Variants in CTNNA3 observed in about 807,000 individuals in gnomAD.
The protein encoded by CTNNA3 is catenin alpha 3.
In CTNNA3, 76 loss-of-function variants were observed where a neutral mutation model predicts 95.7. That is an observed-to-expected ratio of 0.79 (90% CI 0.66 to 0.96). The LOEUF (loss-of-function observed/expected upper bound fraction) is 0.96, where lower values mean the gene tolerates loss of function less well. Among genes scored for constraint, CTNNA3 ranks in the 40% least tolerant of loss-of-function variants. CTNNA3 has a pLI of 0.00. For missense variants in CTNNA3, 1,191 were observed against 1,089.8 expected, an observed-to-expected ratio of 1.09 and a Z score of -1.31; for synonymous variants, 431 against 374.4, an observed-to-expected ratio of 1.15 and a Z score of -1.74.
intron 5 of CTNNA3, among the ~76,000 whole-genome samples, chr10:67,461,044 T>G (rs943207036): frequency 2.6e-5 from 4 of 152,164 alleles, no homozygotes; most frequent in African/African-American, 9.7e-5. Context: ...TTTACACTAC[T>G]TGGATACTAA....
chr10:66,174,971 A>G (rs1226058290), intron 13 of CTNNA3, among the ~76,000 whole-genome samples: 1 of 152,132 alleles, frequency 6.6e-6, no homozygotes, highest in Non-Finnish European at 1.5e-5. Context: ...CTAGAACACC[A>G]TGTCAGATAA....
intron 2 of CTNNA3, among the ~76,000 whole-genome samples, chr10:67,613,036 A>T (rs544575108): frequency 1.3e-3 from 196 of 152,306 alleles, no homozygotes; most frequent in African/African-American, 4.5e-3. Context: ...CTACAAGCAA[A>T]GTCCAAACTC....
intron 5 of CTNNA3, among the ~76,000 whole-genome samples, chr10:67,428,128 A>C (rs910544715): frequency 6.6e-6 from 1 of 152,078 alleles, no homozygotes; most frequent in Non-Finnish European, 1.5e-5. Flanking sequence ...TAACATAAAC[A>C]TTCATGAACA....
chr10:66,350,610 GAA>G (rs5785755), intron 12 of CTNNA3, among the ~76,000 whole-genome samples: 2 of 142,086 alleles, frequency 1.4e-5, no homozygotes, highest in Non-Finnish European at 1.5e-5. Context: ...AGGGGCTCCT[GAA>G]AAAAAAAAAA....
At chr10:66,010,493 T>A (rs369261567) in intron 15 of CTNNA3, among the ~76,000 whole-genome samples, 1 of 152,032 alleles carries the variant, frequency 6.6e-6, no homozygotes, top group Non-Finnish European at 1.5e-5. Flanking sequence ...TAATAAAAGA[T>A]CTAAAGAACA....
intron 15 of CTNNA3, among the ~76,000 whole-genome samples, chr10:66,016,926 C>A (rs781647304): frequency 6.6e-6 from 1 of 152,038 alleles, no homozygotes; most frequent in Admixed American, 6.6e-5. Context: ...TAACCTCTAA[C>A]CTTTACCAGA....
chr10:66,929,488 G>A (rs1452578146), intron 7 of CTNNA3, among the ~76,000 whole-genome samples: 29 of 152,122 alleles, frequency 1.9e-4, no homozygotes, highest in Admixed American at 1.9e-3. Flanking sequence ...GCACACACCA[G>A]TCCCCTAATG....
chr10:67,581,888 G>A (rs1460272466), intron 3 of CTNNA3, among the ~76,000 whole-genome samples: 2 of 152,104 alleles, frequency 1.3e-5, no homozygotes, highest in African/African-American at 4.8e-5. Context: ...TTGTATTTCT[G>A]TGGTATCAAT....
At chr10:67,115,859 C>T (rs57080596) in intron 7 of CTNNA3, among the ~76,000 whole-genome samples, 1 of 151,658 alleles carries the variant, frequency 6.6e-6, no homozygotes, top group African/African-American at 2.4e-5. Flanking sequence ...CTGACACTTC[C>T]TAGGCCAAAT....
chr10:65,985,684 C>T (rs1396550531), intron 16 of CTNNA3, among the ~76,000 whole-genome samples: 1 of 151,202 alleles, frequency 6.6e-6, no homozygotes, highest in African/African-American at 2.4e-5. Context: ...AATAAGGAAA[C>T]AATTGACAGA....
chr10:66,901,249 A>G (rs117221822), intron 7 of CTNNA3, among the ~76,000 whole-genome samples: 8,922 of 152,316 alleles, frequency 0.059, 339 homozygotes, highest in Middle Eastern at 0.099. Context: ...AGAATTTTCA[A>G]CACAGAATTT....
At chr10:66,466,374 A>ACACACACACACACACACAC (rs1589290248) in intron 11 of CTNNA3, among the ~76,000 whole-genome samples, 1 of 149,620 alleles carries the variant, frequency 6.7e-6, no homozygotes, top group African/African-American at 2.5e-5. Context: ...ACACACACAC[A>ACACACACACACACACACAC]ATCTATTGGT....
At chr10:66,627,733 C>T (rs1844988659) in intron 9 of CTNNA3, among the ~76,000 whole-genome samples, 1 of 152,134 alleles carries the variant, frequency 6.6e-6, no homozygotes, top group Non-Finnish European at 1.5e-5. Context: ...AGGAGACAGT[C>T]ATATCAGTTC....
intron 7 of CTNNA3, among the ~76,000 whole-genome samples, chr10:66,991,898 G>C (rs149917021): frequency 6.6e-6 from 1 of 152,042 alleles, no homozygotes; most frequent in Non-Finnish European, 1.5e-5. Flanking sequence ...TTCTAGAAAA[G>C]AAGGCCATCT....
chr10:66,151,210 T>G (rs1445971374), intron 13 of CTNNA3, among the ~76,000 whole-genome samples: 1 of 151,944 alleles, frequency 6.6e-6, no homozygotes, highest in Non-Finnish European at 1.5e-5. Context: ...TAAATTGATA[T>G]TTAGATAAAG....
intron 3 of CTNNA3, among the ~76,000 whole-genome samples, chr10:67,555,137 A>G (rs547740317): frequency 6.6e-6 from 1 of 152,260 alleles, no homozygotes; most frequent in South Asian, 2.1e-4. Flanking sequence ...TACCAGTACC[A>G]TGCTGTTTTG....
chr10:67,123,843 AG>A (rs1859582555), intron 7 of CTNNA3, among the ~76,000 whole-genome samples: 1 of 152,200 alleles, frequency 6.6e-6, no homozygotes, highest in Non-Finnish European at 1.5e-5. Context: ...ATTTCAACCA[AG>A]TAGGTTATAC....
At chr10:66,431,640 G>A (rs374975137) in intron 11 of CTNNA3, among the ~76,000 whole-genome samples, 17 of 151,080 alleles carry the variant, frequency 1.1e-4, no homozygotes, top group South Asian at 6.3e-4. Flanking sequence ...GCAAACTGTC[G>A]CAAGGACAAA....
chr10:66,022,722 T>TC (rs2079246723), intron 15 of CTNNA3, among the ~76,000 whole-genome samples: 1 of 152,106 alleles, frequency 6.6e-6, no homozygotes, highest in African/African-American at 2.4e-5. Flanking sequence ...AAGCATATCC[T>TC]CCCATACTAA....
Sources: gnomAD v4.1 joint callset for allele counts (sites outside exome capture counted in the v4.1 genomes callset) on GRCh38, gnomAD v4.1.1 for gene constraint, MANE v1.5 for transcripts, NCBI Gene and HGNC (gene_info 2026-07-23, HGNC 2026-07-21) for gene names.